The following GNG4 variants were observed in gnomAD, a reference collection of about 807,000 sequenced individuals.
GNG4 encodes the protein guanine nucleotide-binding protein G(I)/G(S)/G(O) subunit gamma-4.
GNG4 carries 4 observed loss-of-function variants against 5.8 expected under a neutral mutation model. That is an observed-to-expected ratio of 0.69 (90% CI 0.34 to 1.57). The LOEUF is 1.57. Ranked by LOEUF, GNG4 falls within the 40% of genes most tolerant of loss-of-function variation. GNG4 has a pLI of 0.06. For synonymous variants in GNG4, 29 were observed against 32.9 expected (o/e 0.88, Z 0.41); for missense variants, 96 against 95.1 (o/e 1.01, Z -0.04).
At chr1:235,585,343 G>A (rs987762645) in intron 2 of GNG4, among the ~76,000 whole-genome samples, 3 of 152,162 alleles carry the variant, frequency 2.0e-5, no homozygotes, top group South Asian at 2.1e-4. Context: ...GGGCTCAAGC[G>A]ATCCTCCTGC....
At chr1:235,639,804 G>A (rs908089135) in intron 1 of GNG4, among the ~76,000 whole-genome samples, 3 of 152,190 alleles carry the variant, frequency 2.0e-5, no homozygotes, top group Non-Finnish European at 4.4e-5. Flanking sequence ...ACCGTGCCCC[G>A]CTCTGTGTTG....
At chr1:235,557,845 G>A (rs1202511121) in intron 3 of GNG4, among the ~76,000 whole-genome samples, 1 of 152,152 alleles carries the variant, frequency 6.6e-6, no homozygotes, top group East Asian at 1.9e-4. Flanking sequence ...CCATAGCAGA[G>A]TAACTTCTTC....
intron 3 of GNG4, 74 bp from the exon 4 acceptor site, chr1:235,552,311 G>A (rs1572604057): frequency 2.2e-6 from 3 of 1,369,678 alleles, no homozygotes; most frequent in South Asian, 2.4e-5. Flanking sequence ...AGGTGTCCAC[G>A]TACAGAGGGG....
intron 1 of GNG4, among the ~76,000 whole-genome samples, chr1:235,630,042 A>G (rs1199014073): frequency 6.6e-6 from 1 of 152,090 alleles, no homozygotes; most frequent in Non-Finnish European, 1.5e-5. Context: ...ATTATTTCCA[A>G]TATTTTCTTT....
At chr1:235,612,760 T>A (rs538909057) in intron 1 of GNG4, among the ~76,000 whole-genome samples, 1 of 152,314 alleles carries the variant, frequency 6.6e-6, no homozygotes, top group Non-Finnish European at 1.5e-5. Flanking sequence ...TGGGCTCAAG[T>A]GATCCACCCG....
intron 3 of GNG4, among the ~76,000 whole-genome samples, chr1:235,573,832 G>A (rs987793937): frequency 1.3e-5 from 2 of 152,144 alleles, no homozygotes; most frequent in African/African-American, 2.4e-5. Flanking sequence ...AAATGTCTAA[G>A]GATAGGAGAC....
At chr1:235,552,334 G>T in intron 3 of GNG4, 97 bp from the exon 4 acceptor site, 1 of 1,135,174 alleles carries the variant, frequency 8.8e-7, no homozygotes, top group Non-Finnish European at 1.3e-6. Context: ...AAGCCCTAGG[G>T]TAGGCTGTAT....
intron 1 of GNG4, among the ~76,000 whole-genome samples, chr1:235,646,256 G>A (rs1214446795): frequency 6.6e-6 from 1 of 152,136 alleles, no homozygotes; most frequent in African/African-American, 2.4e-5. Flanking sequence ...CCTGAGTGTG[G>A]GTCTCTCTAC....
In GNG4 at chr1:235,597,103, C is replaced by T. The variant is rs370220935; in HGVS notation, c.-122-1592G>A. On this transcript the variant is annotated intron_variant, in intron 1 of 3. Transcript: ENST00000391854. ...TCGCCTTCCCTTTGCAGCCATCCTC[C>T]GTAACTGTGACTTCTCCAGGACAGT... Among the ~76,000 whole-genome samples, 24 of 152,238 alleles carry T rather than the reference C, an allele frequency of 1.6e-4. No individual in the cohort carries two copies. The East Asian group carries it at 1.7e-3, about 11-fold the overall frequency.
intron 2 of GNG4, among the ~76,000 whole-genome samples, chr1:235,584,395 T>C (rs1687712734): frequency 6.6e-6 from 1 of 152,204 alleles, no homozygotes; most frequent in Non-Finnish European, 1.5e-5. Context: ...TCAAATGGCC[T>C]CTCCTAACAA....
At position 235,554,706 on chromosome 1, in the gene GNG4, G is replaced by A. The variant is rs144463345; in HGVS notation, c.100-2469C>T. ...AAAAAATACAAAAAATTAGCCAGGC[G>A]TGGTGGCGGGTGCCTGTAATCCCAG... is the stretch of plus-strand genomic sequence containing the variant. On this transcript the variant is annotated intron_variant, in intron 3 of 3. Transcript: ENST00000391854. 1.1e-3 allele frequency among the ~76,000 whole-genome samples: 170 copies of A among 152,114 alleles called. 3 individuals are homozygous for A. The East Asian group carries it at 0.016, about 14-fold the overall frequency.
chr1:235,628,683 A>G (rs1313759181), intron 1 of GNG4, among the ~76,000 whole-genome samples: 1 of 152,198 alleles, frequency 6.6e-6, no homozygotes, highest in Non-Finnish European at 1.5e-5. Context: ...TTTGCGTTTT[A>G]AAACATTTAG....
At chr1:235,584,015 C>T (rs891628633) in intron 2 of GNG4, among the ~76,000 whole-genome samples, 167 bp from the exon 3 acceptor site, 5 of 152,158 alleles carry the variant, frequency 3.3e-5, no homozygotes, top group Admixed American at 2.6e-4. Context: ...ATGCCTCATT[C>T]GAGTAAGAGG....
In GNG4 at chr1:235,614,105, G is replaced by A. The variant is rs187109082; in HGVS notation, c.-122-18594C>T. On this transcript the variant is annotated intron_variant, in intron 1 of 3. Coordinates refer to ENST00000391854, the MANE Select transcript of GNG4 (RefSeq NM_001098722.2). ...TGGAATTACAGGCGTGAGCCGCTGC[G>A]CCTGGCCTAGATTCTCCATTTCTTC... Among the ~76,000 whole-genome samples, 19 of 152,318 alleles carry A rather than the reference G, an allele frequency of 1.2e-4. No individual in the cohort carries two copies. In the East Asian group the frequency reaches 1.5e-3, roughly 12 times the overall value.
chr1:235,611,188 A>G (rs1201076957), intron 1 of GNG4, among the ~76,000 whole-genome samples: 3 of 150,428 alleles, frequency 2.0e-5, no homozygotes, highest in African/African-American at 7.3e-5. Flanking sequence ...TTTTTTTTGA[A>G]ACAGGGTTTC....
At chr1:235,577,865 C>A (rs888206056) in intron 3 of GNG4, among the ~76,000 whole-genome samples, 4 of 152,150 alleles carry the variant, frequency 2.6e-5, no homozygotes, top group Admixed American at 6.5e-5. Flanking sequence ...CAGCCTCCCT[C>A]TTTCCTTCCT....
chr1:235,561,300 C>T (rs902351111), intron 3 of GNG4, among the ~76,000 whole-genome samples: 3 of 152,276 alleles, frequency 2.0e-5, no homozygotes, highest in East Asian at 1.9e-4. Flanking sequence ...TGAGCCACCG[C>T]GCCCGGCCAT....
At chr1:235,564,341 C>G (rs1242225209) in intron 3 of GNG4, among the ~76,000 whole-genome samples, 1 of 152,114 alleles carries the variant, frequency 6.6e-6, no homozygotes, top group African/African-American at 2.4e-5. Context: ...TGCTGACTAC[C>G]TGGGGGATGA....
At position 235,548,723 on chromosome 1, in the gene GNG4, A is replaced by G. The variant is rs1318984181; in HGVS notation, c.*3386T>C. 3 of 152,374 alleles carry G rather than the reference A, an allele frequency of 2.0e-5. No homozygotes were observed. The East Asian group carries it at 5.8e-4, about 29-fold the overall frequency. The allele number at this position is 152,374 out of a possible 1,614,324, so 9.4% of individuals were successfully genotyped here. A position where few individuals can be genotyped will look rare whatever the true frequency, so the allele number is the denominator to read the frequency against. ...TAAGGCATGATGTCCCTGCTGTAGG[A>G]AGGGAGGGGAGATGCTGGACAGTTA... On this transcript the variant is annotated 3_prime_UTR_variant, in exon 4 of 4. Transcript: ENST00000391854.
Sources: gnomAD v4.1 joint callset for allele counts (sites outside exome capture counted in the v4.1 genomes callset) on GRCh38, gnomAD v4.1.1 for gene constraint, MANE v1.5 for transcripts, NCBI Gene and HGNC (gene_info 2026-07-23, HGNC 2026-07-21) for gene names.